The following MYO18B variants were observed in gnomAD, a reference collection of about 807,000 sequenced individuals.
MYO18B encodes unconventional myosin-XVIIIb.
A neutral mutation model predicts 273.0 loss-of-function variants in MYO18B; 204 were observed. That is an observed-to-expected ratio of 0.75 (90% CI 0.67 to 0.84). MYO18B has a LOEUF of 0.84. Ranked by LOEUF, MYO18B falls within the 40% of genes least tolerant of loss-of-function variation. MYO18B has a pLI of 0.00. For missense variants in MYO18B, 3,212 were observed against 3,287.6 expected, an observed-to-expected ratio of 0.98 and a Z score of 0.56; for synonymous variants, 1,330 against 1,305.7, an observed-to-expected ratio of 1.02 and a Z score of -0.40.
At chr22:25,906,134 A>T (rs945312962) in intron 31 of MYO18B, among the ~76,000 whole-genome samples, 2 of 152,138 alleles carry the variant, frequency 1.3e-5, no homozygotes, top group South Asian at 4.1e-4. Context: ...CTTCACCCAT[A>T]ACCTCAGGCT....
chr22:25,841,689 C>T (rs995906298), intron 17 of MYO18B, among the ~76,000 whole-genome samples: 4 of 152,302 alleles, frequency 2.6e-5, no homozygotes, highest in African/African-American at 9.6e-5. Flanking sequence ...GCTTAGCAAA[C>T]ATCAACATCC....
At chr22:25,770,049 A>G in intron 4 of MYO18B, 61 bp from the exon 5 acceptor site, 1 of 1,545,870 alleles carries the variant, frequency 6.5e-7, no homozygotes. Context: ...ACCCCCGTGT[A>G]AGGTAGAAGA....
intron 38 of MYO18B, among the ~76,000 whole-genome samples, chr22:25,953,917 C>T (rs959828645): frequency 2.0e-5 from 3 of 152,178 alleles, no homozygotes; most frequent in Non-Finnish European, 1.5e-5. Context: ...ACTCTTCCTG[C>T]TGTTCTTGGA....
At chr22:25,787,230 AAAG>A (rs1382565957) in intron 11 of MYO18B, among the ~76,000 whole-genome samples, 1 of 151,484 alleles carries the variant, frequency 6.6e-6, no homozygotes, top group South Asian at 2.1e-4. Context: ...AAAAAAGAAA[AAAG>A]AAAAAAAAAT....
intron 1 of MYO18B, among the ~76,000 whole-genome samples, chr22:25,748,465 C>T (rs187225625): frequency 1.3e-5 from 2 of 152,068 alleles, no homozygotes; most frequent in Non-Finnish European, 2.9e-5. Context: ...TCCAAATGTC[C>T]TATGTATTAG....
At chr22:25,869,713 C>G (rs1183201963) in intron 22 of MYO18B, among the ~76,000 whole-genome samples, 1 of 152,098 alleles carries the variant, frequency 6.6e-6, no homozygotes, top group African/African-American at 2.4e-5. Flanking sequence ...TGGAGCCCTC[C>G]CTATCATATG....
rs188623712 is a variant in MYO18B at position 25,795,796 on chromosome 22, C to T, written c.2377-2157C>T. ...TTAATGTCACTGTATGCTTTGACGT[C>T]GTCCCAATTGGTTGATGATTCTTGC... On this transcript the variant is annotated intron_variant, in intron 11 of 43. Coordinates refer to ENST00000335473, the MANE Select transcript of MYO18B (RefSeq NM_032608.7). Among the ~76,000 whole-genome samples, 30 of 152,208 alleles carry T rather than the reference C, an allele frequency of 2.0e-4. No individual in the cohort carries two copies. The East Asian group carries it at 5.2e-3, about 26-fold the overall frequency.
chr22:26,041,749 G>A, the MYO18B span, among the ~76,000 whole-genome samples: 7 of 152,180 alleles, frequency 4.6e-5, no homozygotes, highest in Non-Finnish European at 8.8e-5. Flanking sequence ...GACCAGAGTG[G>A]TAGCAGTGCA....
intron 15 of MYO18B, among the ~76,000 whole-genome samples, chr22:25,830,564 G>A (rs1350736962): frequency 1.3e-5 from 2 of 152,156 alleles, no homozygotes; most frequent in Admixed American, 1.3e-4. Context: ...CTTGTCTGGG[G>A]TAACCTTGTC....
intron 40 of MYO18B, among the ~76,000 whole-genome samples, chr22:25,999,654 C>CCTCCTCCTT (rs1555986343): frequency 2.2e-5 from 3 of 139,326 alleles, no homozygotes; most frequent in Non-Finnish European, 3.0e-5. Context: ...TCCTCCTTCT[C>CCTCCTCCTT]CTCCTCCTCC....
chr22:25,869,096 G>C lies in MYO18B; in HGVS notation c.3951+711G>C, dbSNP rs576326805. On this transcript the variant is annotated intron_variant, in intron 22 of 43. Coordinates refer to ENST00000335473, the MANE Select transcript of MYO18B (RefSeq NM_032608.7). Reference sequence around the variant, plus strand: ...GATTATAGTTTGGGAAGTGGGGCACGGAGATTGTAAACTCAAGGACCAAGG... The same window carrying C: ...GATTATAGTTTGGGAAGTGGGGCACCGAGATTGTAAACTCAAGGACCAAGG... 2.6e-5 allele frequency among the ~76,000 whole-genome samples: 4 copies of C among 152,176 alleles called. No homozygotes were observed. The South Asian group carries it at 8.3e-4, about 32-fold the overall frequency.
chr22:26,020,926 T>C (rs1935762344), intron 42 of MYO18B, among the ~76,000 whole-genome samples: 1 of 152,020 alleles, frequency 6.6e-6, no homozygotes, highest in Admixed American at 6.6e-5. Context: ...CTATCTCTAC[T>C]AAAAATACAA....
chr22:25,828,597 C>T (rs1210328991), intron 14 of MYO18B, among the ~76,000 whole-genome samples, 179 bp from the exon 15 acceptor site: 1 of 151,958 alleles, frequency 6.6e-6, no homozygotes, highest in Non-Finnish European at 1.5e-5. Context: ...CTACTCACCC[C>T]CATCCTCATT....
intron 36 of MYO18B, among the ~76,000 whole-genome samples, chr22:25,949,283 T>C (rs1358278397): frequency 2.0e-5 from 3 of 152,100 alleles, no homozygotes; most frequent in Non-Finnish European, 2.9e-5. Context: ...TAAATCACTG[T>C]TGAATAAATG....
chr22:25,865,297 C>A (rs1437511881), intron 21 of MYO18B, among the ~76,000 whole-genome samples: 1 of 152,126 alleles, frequency 6.6e-6, no homozygotes, highest in Non-Finnish European at 1.5e-5. Flanking sequence ...AAAATGAGAT[C>A]AACAGAACAG....
rs34431605 is a variant in MYO18B, at chr22:25,997,978, C to CACACACGAGAGA, written c.6288-5287_6288-5286insACACACGAGAGA. ...ACACAAACACACACACACACACACA[C>CACACACGAGAGA]GAGAGAGAGAGAGAGAGAGAGAGAT... is the stretch of plus-strand genomic sequence containing the variant. On this transcript the variant is annotated intron_variant, in intron 40 of 43. Transcript: ENST00000335473. 6.6e-4 allele frequency among the ~76,000 whole-genome samples: 96 copies of CACACACGAGAGA among 144,634 alleles called. 1 individual carries two copies. Among genetic ancestry groups the CACACACGAGAGA allele is most frequent in the African/African-American group, 2.5e-3 (93 of 37,924 alleles). The allele number at this position is 144,634 out of a possible 152,430, so 94.9% of individuals were successfully genotyped here.
chr22:25,830,819 A>G (rs906049933), intron 15 of MYO18B, among the ~76,000 whole-genome samples: 14 of 152,244 alleles, frequency 9.2e-5, no homozygotes, highest in African/African-American at 3.1e-4. Context: ...CTCTGCAGAG[A>G]GTATAGATAC....
intron 34 of MYO18B, among the ~76,000 whole-genome samples, chr22:25,940,449 C>G (rs915331063): frequency 6.6e-6 from 1 of 152,128 alleles, no homozygotes; most frequent in East Asian, 1.9e-4. Flanking sequence ...ATAAATTATC[C>G]AGTCTCAGGT....
chr22:25,744,168 T>A (rs2085708141), intron 1 of MYO18B, among the ~76,000 whole-genome samples: 1 of 152,178 alleles, frequency 6.6e-6, no homozygotes, highest in African/African-American at 2.4e-5. Flanking sequence ...AGCACTTTAT[T>A]AGGGTCTAAC....
Sources: gnomAD v4.1 joint callset for allele counts (sites outside exome capture counted in the v4.1 genomes callset) on GRCh38, gnomAD v4.1.1 for gene constraint, MANE v1.5 for transcripts, NCBI Gene and HGNC (gene_info 2026-07-23, HGNC 2026-07-21) for gene names.